TMUB2: variants seen among roughly 807,000 people sequenced by gnomAD.
TMUB2 encodes transmembrane and ubiquitin like domain containing 2.
TMUB2 carries 19 observed loss-of-function variants against 20.2 expected under a neutral mutation model. The ratio of observed to expected loss-of-function variants is 0.94; its 90% confidence interval spans 0.66 to 1.38. The LOEUF (loss-of-function observed/expected upper bound fraction) is 1.38. TMUB2 is among the 40% of genes most tolerant of loss of function. The pLI, the probability that TMUB2 is intolerant of heterozygous loss-of-function variation, is 0.00. For synonymous variants in TMUB2, 186 were observed against 166.0 expected, an observed-to-expected ratio of 1.12 and a Z score of -0.92; for missense variants, 426 against 402.5, an observed-to-expected ratio of 1.06 and a Z score of -0.50.
rs565964821 is a variant in TMUB2 at position 44,191,271 on chromosome 17, G to T, written c.*407G>T. On this transcript the variant is annotated 3_prime_UTR_variant, in exon 4 of 4. Transcript: ENST00000538716. ...CTCAGCATGGCCCCAGCACAACTCCGTAGGGAGCCTGGAGTATCCTTCCAT... is the reference window on the plus strand; with the variant it reads ...CTCAGCATGGCCCCAGCACAACTCCTTAGGGAGCCTGGAGTATCCTTCCAT... 15 of 1,005,626 alleles carry T rather than the reference G, an allele frequency of 1.5e-5. No homozygotes were observed. The highest frequency in any genetic ancestry group is 1.0e-4 in the African/African-American group (6 of 57,790). 62.3% of individuals were successfully genotyped at this position (1,005,626 alleles called of 1,614,324 possible).
At chr17:44,190,349 C>CAAAAAA (rs34097625) in intron 3 of TMUB2, 152 bp from the exon 4 acceptor site, 5 of 324,830 alleles carry the variant, frequency 1.5e-5, no homozygotes, top group East Asian at 6.2e-5. Flanking sequence ...GACTCCGTCT[C>CAAAAAA]AAAAAAAAAA....
rs544275908 is a variant in TMUB2, at chr17:44,189,268, C to G, written c.282C>G (p.Pro94=). 20 of 1,606,340 alleles carry G rather than the reference C, an allele frequency of 1.2e-5. No homozygotes were observed. Among genetic ancestry groups the G allele is most frequent in the Middle Eastern group, 1.7e-4 (1 of 6,040 alleles). Reference sequence around the variant, plus strand: ...ACCTGGTGGCAGGCCAAGGCAACCCCGAGCCAACTGAACTCCCCCATCCAT... The same window carrying G: ...ACCTGGTGGCAGGCCAAGGCAACCCGGAGCCAACTGAACTCCCCCATCCAT... ...VDHLVAGQGN[P]EPTELPHPSE... is the part of the protein sequence containing the mutation. Residue 94 remains proline (P), a synonymous_variant, in exon 3 of 4, where the codon CCC becomes CCG. Transcript: ENST00000538716.
At position 44,191,177 on chromosome 17, in the gene TMUB2, C is replaced by T; in HGVS notation, c.*313C>T. ...CCTGGGCTCTGAGATTCCCTCCCACCTGTGGTTCTGACTCTTCCCAGTGTC... is the reference window on the plus strand; with the variant it reads ...CCTGGGCTCTGAGATTCCCTCCCACTTGTGGTTCTGACTCTTCCCAGTGTC... On this transcript the variant is annotated 3_prime_UTR_variant, in exon 4 of 4. Coordinates refer to ENST00000538716, the MANE Select transcript of TMUB2 (RefSeq NM_001076674.3). 8.9e-7 allele frequency: 1 copy of T among 1,124,894 alleles called. No individual in the cohort carries two copies. Among genetic ancestry groups the T allele is most frequent in the Non-Finnish European group, 1.1e-6 (1 of 915,630 alleles). 69.7% of individuals were successfully genotyped at this position (1,124,894 alleles called of 1,614,324 possible).
chr17:44,188,451 T>C (rs2054810223), intron 2 of TMUB2, among the ~76,000 whole-genome samples: 1 of 152,186 alleles, frequency 6.6e-6, no homozygotes, highest in Admixed American at 6.5e-5. Context: ...CTGCTTTTGA[T>C]GGTAGGTCAG....
chr17:44,190,985 C>A lies in TMUB2; in HGVS notation c.*121C>A. 6.7e-7 allele frequency: 1 copy of A among 1,493,144 alleles called. No homozygotes were observed. 92.5% of individuals were successfully genotyped at this position (1,493,144 alleles called of 1,614,324 possible). A position where few individuals can be genotyped will look rare whatever the true frequency, so the allele number is the denominator to read the frequency against. ...GTGGAAAGGATGTGATGGAAATCTCCTCCATAGGACACAGGAGGCAAGTAT... is the reference window on the plus strand; with the variant it reads ...GTGGAAAGGATGTGATGGAAATCTCATCCATAGGACACAGGAGGCAAGTAT... On this transcript the variant is annotated 3_prime_UTR_variant, in exon 4 of 4. Coordinates refer to ENST00000538716, the MANE Select transcript of TMUB2 (RefSeq NM_001076674.3).
Position 44,191,905 on chromosome 17 carries a change from T to C in TMUB2, c.*1041T>C, listed in dbSNP as rs1021559573. On this transcript the variant is annotated 3_prime_UTR_variant, in exon 4 of 4. Transcript: ENST00000538716. ...CTACCTGTACAGAATGGATTACATA[T>C]GCAAAAATAAAAATCTCAAGACCAC... 2 of 216,566 alleles carry C rather than the reference T, an allele frequency of 9.2e-6. No individual in the cohort carries two copies. Among genetic ancestry groups the C allele is most frequent in the Non-Finnish European group, 1.6e-5 (2 of 127,078 alleles). The allele number at this position is 216,566 out of a possible 1,614,324, so 13.4% of individuals were successfully genotyped here.
At chr17:44,189,680 C>T (rs76913347) in intron 3 of TMUB2, 92 bp downstream of exon 3, 45,716 of 1,241,670 alleles carry the variant, frequency 0.037, 1,018 homozygotes, top group East Asian at 0.08. Flanking sequence ...GGAGCTGCAG[C>T]AAAGTGTAAG....
intron 2 of TMUB2, 151 bp from the exon 3 acceptor site, chr17:44,188,871 C>T: frequency 8.9e-6 from 12 of 1,342,150 alleles, no homozygotes; most frequent in Non-Finnish European, 1.2e-5. Flanking sequence ...GGTTGGGGTG[C>T]CGGAATTAGG....
In TMUB2 at chr17:44,190,833, G is replaced by C. The variant is rs1567762331; in HGVS notation, c.935G>C (p.Ser312Thr). The C allele has an allele frequency of 1.9e-6, 3 of 1,613,704 alleles. No homozygotes were observed. The highest frequency in any genetic ancestry group is 2.5e-6 in the Non-Finnish European group (3 of 1,179,784). Residue 312 changes from serine (S) to threonine (T), a missense_variant, in exon 4 of 4, where the codon AGC becomes ACC. Coordinates refer to ENST00000538716, the MANE Select transcript of TMUB2 (RefSeq NM_001076674.3). ...VSLVGVTVFF[S>T]FLVFGMYGR ...CTGGTGGGAGTCACCGTCTTCTTCA[G>C]CTTCCTAGTATTTGGGATGTATGGA... is the stretch of plus-strand genomic sequence containing the variant.
chr17:44,190,860 G>A lies in TMUB2; in HGVS notation c.962G>A (p.Arg321Gln), dbSNP rs777946167. Residue 321 changes from arginine to glutamine, a missense_variant, in exon 4 of 4, where the codon CGA (arginine) becomes CAA (glutamine). Transcript: ENST00000538716. Reference protein sequence around the residue: ...FSFLVFGMYGR With the variant: ...FSFLVFGMYGQ Reference sequence around the variant, plus strand: ...TTCCTAGTATTTGGGATGTATGGACGATAAGGACATAGGAAGAAAATGAAA... The same window carrying A: ...TTCCTAGTATTTGGGATGTATGGACAATAAGGACATAGGAAGAAAATGAAA... 8 of 1,608,436 alleles carry A rather than the reference G, an allele frequency of 5.0e-6. No homozygotes were observed. The highest frequency in any genetic ancestry group is 4.2e-6 in the Non-Finnish European group (5 of 1,177,032).
intron 2 of TMUB2, among the ~76,000 whole-genome samples, chr17:44,188,422 G>A (rs1287580465): frequency 6.6e-6 from 1 of 152,136 alleles, no homozygotes; most frequent in Non-Finnish European, 1.5e-5. Context: ...CAGAGTTATC[G>A]TTTTAGATTT....
rs771207590 is a variant in TMUB2, at chr17:44,190,862, T to C, written c.964T>C (p.Ter322GlnextTer70). 1 of 1,607,894 alleles carries C rather than the reference T, an allele frequency of 6.2e-7. No homozygotes were observed. Among genetic ancestry groups the C allele is most frequent in the African/African-American group, 1.3e-5 (1 of 74,738 alleles). ...CCTAGTATTTGGGATGTATGGACGA[T>C]AAGGACATAGGAAGAAAATGAAAGG... ...SFLVFGMYGR* is the reference protein window; with the variant it reads ...SFLVFGMYGRQ Residue 322 changes from the stop codon to glutamine (Q), a stop_lost, in exon 4 of 4, where the codon TAA becomes CAA. Coordinates refer to ENST00000538716, the MANE Select transcript of TMUB2 (RefSeq NM_001076674.3).
In TMUB2 at chr17:44,191,234, C is replaced by G; in HGVS notation, c.*370C>G. 2.9e-6 allele frequency: 3 copies of G among 1,038,988 alleles called. No homozygotes were observed. Among genetic ancestry groups the G allele is most frequent in the Middle Eastern group, 4.7e-4 (1 of 2,108 alleles). 64.4% of individuals were successfully genotyped at this position (1,038,988 alleles called of 1,614,324 possible). On this transcript the variant is annotated 3_prime_UTR_variant, in exon 4 of 4. Transcript: ENST00000538716. ...GTCTGCCCCCAGCACCCAGGGCTGC[C>G]TGCAAGGGCAGCTCAGCATGGCCCC...
Position 44,191,086 on chromosome 17 carries a change from TC to T in TMUB2, c.*223del. On this transcript the variant is annotated 3_prime_UTR_variant, in exon 4 of 4. Coordinates refer to ENST00000538716, the MANE Select transcript of TMUB2 (RefSeq NM_001076674.3). ...CACAACTCAGGTAGAAATGAGGATG[TC>T]ATCTTCCTTCACTTTTAGGGTCCTC... The T allele has an allele frequency of 7.5e-7, 1 of 1,326,626 alleles. No individual in the cohort carries two copies. The highest frequency in any genetic ancestry group is 9.6e-7 in the Non-Finnish European group (1 of 1,038,000). The allele number at this position is 1,326,626 out of a possible 1,614,324, so 82.2% of individuals were successfully genotyped here. A position where few individuals can be genotyped will look rare whatever the true frequency, so the allele number is the denominator to read the frequency against.
At position 44,191,233 on chromosome 17, in the gene TMUB2, C is replaced by T; in HGVS notation, c.*369C>T. ...TGTCTGCCCCCAGCACCCAGGGCTG[C>T]CTGCAAGGGCAGCTCAGCATGGCCC... On this transcript the variant is annotated 3_prime_UTR_variant, in exon 4 of 4. Coordinates refer to ENST00000538716, the MANE Select transcript of TMUB2 (RefSeq NM_001076674.3). The T allele has an allele frequency of 3.9e-6, 4 of 1,038,870 alleles. No homozygotes were observed. Among genetic ancestry groups the T allele is most frequent in the South Asian group, 3.6e-5 (1 of 27,916 alleles). The allele number at this position is 1,038,870 out of a possible 1,614,324, so 64.4% of individuals were successfully genotyped here. A position where few individuals can be genotyped will look rare whatever the true frequency, so the allele number is the denominator to read the frequency against.
chr17:44,187,944 C>T (rs943032995), intron 2 of TMUB2: 17 of 591,790 alleles, frequency 2.9e-5, no homozygotes, highest in Non-Finnish European at 4.9e-5. Context: ...TTATATTGGA[C>T]ACTTCAGTAC....
At position 44,188,902 on chromosome 17, in the gene TMUB2, C is replaced by T. The variant is rs899719944; in HGVS notation, c.36-120C>T. ...TTAGGAAGGTTTGTGCCCCCTTCTA[C>T]ACAACACTGAACTCCTTTTTTTTTT... On this transcript the variant is annotated intron_variant, in intron 2 of 3. Coordinates refer to ENST00000538716, the MANE Select transcript of TMUB2 (RefSeq NM_001076674.3). The T allele has an allele frequency of 2.8e-6, 4 of 1,428,018 alleles. No homozygotes were observed. In the African/African-American group the frequency reaches 4.3e-5, roughly 15 times the overall value. The allele number at this position is 1,428,018 out of a possible 1,614,324, so 88.5% of individuals were successfully genotyped here. A position where few individuals can be genotyped will look rare whatever the true frequency, so the allele number is the denominator to read the frequency against.
intron 3 of TMUB2, 105 bp from the exon 4 acceptor site, chr17:44,190,396 T>G (rs1203804008): frequency 7.2e-6 from 4 of 551,902 alleles, no homozygotes; most frequent in Non-Finnish European, 1.1e-5. Flanking sequence ...GAAAAAAAAA[T>G]CCACCCTCCA....
At position 44,189,790 on chromosome 17, in the gene TMUB2, A is replaced by G. The variant is rs2055104444; in HGVS notation, c.602+202A>G. 8.9e-5 allele frequency: 45 copies of G among 504,010 alleles called. No homozygotes were observed. The South Asian group carries it at 1.4e-3, about 16-fold the overall frequency. 31.2% of individuals were successfully genotyped at this position (504,010 alleles called of 1,614,324 possible). A position where few individuals can be genotyped will look rare whatever the true frequency, so the allele number is the denominator to read the frequency against. On this transcript the variant is annotated intron_variant, in intron 3 of 3. Transcript: ENST00000538716. ...GACTTTGGGAGGCCGAGGCGGGTGC[A>G]TCACGAGGTTAGGAGTTCGAGACCA...
Sources: gnomAD v4.1 joint callset for allele counts (sites outside exome capture counted in the v4.1 genomes callset) on GRCh38, gnomAD v4.1.1 for gene constraint, MANE v1.5 for transcripts, NCBI Gene and HGNC (gene_info 2026-07-23, HGNC 2026-07-21) for gene names.